The following MGRN1 variants were observed in gnomAD, a reference collection of about 807,000 sequenced individuals.
MGRN1 encodes the protein E3 ubiquitin-protein ligase MGRN1.
Under a neutral mutation model 69.2 loss-of-function variants are expected in MGRN1, and 29 were observed. The observed-to-expected ratio is 0.42, with a 90% CI of 0.31 to 0.57. The LOEUF (loss-of-function observed/expected upper bound fraction) is 0.57. MGRN1 is among the 20% of genes least tolerant of loss of function. MGRN1 has a pLI of 0.15. For missense variants in MGRN1, 998 were observed against 796.2 expected, an observed-to-expected ratio of 1.25 and a Z score of -3.05; for synonymous variants, 470 against 344.2, an observed-to-expected ratio of 1.37 and a Z score of -4.04.
chr16:4,688,927 A>C lies in MGRN1; in HGVS notation c.*19A>C. On this transcript the variant is annotated 3_prime_UTR_variant, in exon 17 of 17. Coordinates refer to ENST00000262370, the MANE Select transcript of MGRN1 (RefSeq NM_015246.4). ...ACTCTGAGAGCCTGGCCGAGCTGGC[A>C]GCATGGAGCCCTCGGCTCCCCAGAC... 6.5e-7 allele frequency: 1 copy of C among 1,530,868 alleles called. No individual in the cohort carries two copies. Among genetic ancestry groups the C allele is most frequent in the African/African-American group, 1.4e-5 (1 of 72,774 alleles). The allele number at this position is 1,530,868 out of a possible 1,614,324, so 94.8% of individuals were successfully genotyped here.
At chr16:4,647,900 T>G (rs2078307703) in intron 1 of MGRN1, among the ~76,000 whole-genome samples, 2 of 152,104 alleles carry the variant, frequency 1.3e-5, no homozygotes, top group Admixed American at 6.5e-5. Flanking sequence ...CACCTGGCTC[T>G]GGGCCACCTC....
chr16:4,625,135 C>A (rs1658558751), intron 1 of MGRN1, 87 bp downstream of exon 1: 1 of 1,250,766 alleles, frequency 8.0e-7, no homozygotes, highest in Non-Finnish European at 1.1e-6. Context: ...CGGGGCGGGG[C>A]GCCCTGCTCG....
chr16:4,688,250 T>TG (rs1567249007), intron 16 of MGRN1: 1 of 985,652 alleles, frequency 1.0e-6, no homozygotes, highest in Non-Finnish European at 1.2e-6. Flanking sequence ...CAGACCCATC[T>TG]GGGGACAGCG....
At chr16:4,673,291 C>G (rs1328675291) in intron 9 of MGRN1, among the ~76,000 whole-genome samples, 1 of 152,060 alleles carries the variant, frequency 6.6e-6, no homozygotes, top group African/African-American at 2.4e-5. Flanking sequence ...GGGCACAGAC[C>G]CTCCCCCTCT....
rs769800386 is a variant in MGRN1, at chr16:4,675,203, C to T, written c.955+1546C>T. Among the ~76,000 whole-genome samples, 49 of 151,492 alleles carry T rather than the reference C, an allele frequency of 3.2e-4. No individual in the cohort carries two copies. The Middle Eastern group carries it at 0.024, about 75-fold the overall frequency. Reference sequence around the variant, plus strand: ...GCCCAGTCTGGTCTGAAGCTCCTGACCTCAAGTGATCTGCCTGCCTTGGCC... The same window carrying T: ...GCCCAGTCTGGTCTGAAGCTCCTGATCTCAAGTGATCTGCCTGCCTTGGCC... On this transcript the variant is annotated intron_variant, in intron 10 of 16. Coordinates refer to ENST00000262370, the MANE Select transcript of MGRN1 (RefSeq NM_015246.4).
chr16:4,655,032 C>T (rs1008137182), intron 4 of MGRN1, among the ~76,000 whole-genome samples: 2 of 152,210 alleles, frequency 1.3e-5, no homozygotes, highest in African/African-American at 4.8e-5. Context: ...GGCGTAGGAG[C>T]ATTTGGAGTG....
intron 7 of MGRN1, among the ~76,000 whole-genome samples, chr16:4,666,365 C>G (rs1376252876): frequency 1.3e-5 from 2 of 152,172 alleles, no homozygotes; most frequent in African/African-American, 2.4e-5. Flanking sequence ...CTCCTGGCCT[C>G]AAGTGATCCT....
chr16:4,683,967 G>A, intron 16 of MGRN1, 35 bp downstream of exon 16: 1 of 1,518,266 alleles, frequency 6.6e-7, no homozygotes, highest in Non-Finnish European at 8.9e-7. Flanking sequence ...GAGGGGCTGG[G>A]TGCCTGTCTT....
chr16:4,675,606 C>T (rs562748312), intron 10 of MGRN1, among the ~76,000 whole-genome samples: 22 of 151,996 alleles, frequency 1.4e-4, no homozygotes, highest in African/African-American at 5.3e-4. Context: ...GATGTGTTGG[C>T]TATAGTACCA....
In MGRN1 at chr16:4,689,118, C is replaced by G; in HGVS notation, c.*210C>G. 1.6e-6 allele frequency: 1 copy of G among 630,328 alleles called. No individual in the cohort carries two copies. Among genetic ancestry groups the G allele is most frequent in the South Asian group, 3.2e-5 (1 of 31,254 alleles). The allele number at this position is 630,328 out of a possible 1,614,324, so 39.0% of individuals were successfully genotyped here. On this transcript the variant is annotated 3_prime_UTR_variant, in exon 17 of 17. Transcript: ENST00000262370. ...ACAGTTGATATATTTGTAACTGGTA[C>G]AAGATGAAGGACAGCAGCTTTCCAT...
At chr16:4,654,148 C>A (rs576564773) in intron 4 of MGRN1, among the ~76,000 whole-genome samples, 3 of 152,276 alleles carry the variant, frequency 2.0e-5, no homozygotes, top group African/African-American at 7.2e-5. Context: ...AGCCAGCCAC[C>A]TCCAGGAGCC....
intron 1 of MGRN1, among the ~76,000 whole-genome samples, chr16:4,642,755 C>T (rs764364568): frequency 4.0e-5 from 6 of 151,652 alleles, no homozygotes; most frequent in Non-Finnish European, 7.4e-5. Flanking sequence ...GGGTGAGCAC[C>T]GTGCCTGGTG....
intron 10 of MGRN1, among the ~76,000 whole-genome samples, chr16:4,675,652 G>A (rs1191076955): frequency 1.3e-5 from 2 of 151,794 alleles, no homozygotes; most frequent in Non-Finnish European, 1.5e-5. Flanking sequence ...GATCGGCTGA[G>A]CCTGGGAGGT....
intron 12 of MGRN1, chr16:4,681,272 G>C (rs1003258162): frequency 2.8e-5 from 13 of 467,146 alleles, no homozygotes; most frequent in Admixed American, 4.1e-5. Context: ...AGCCAGGGAG[G>C]GGCTGGTTGA....
At chr16:4,686,134 C>A (rs565165811) in intron 16 of MGRN1, 633 of 1,137,604 alleles carry the variant, frequency 5.6e-4, no homozygotes, top group Non-Finnish European at 7.3e-4. Flanking sequence ...TCTGTGGTTG[C>A]AGCAGAGTGT....
At chr16:4,683,347 G>A (rs2079232570) in intron 15 of MGRN1, 78 bp downstream of exon 15, 1 of 1,532,348 alleles carries the variant, frequency 6.5e-7, no homozygotes, top group African/African-American at 1.4e-5. Context: ...TAGGGCTCCA[G>A]GTGGTGTTGG....
At chr16:4,628,460 A>G (rs1897814568) in intron 1 of MGRN1, among the ~76,000 whole-genome samples, 1 of 151,764 alleles carries the variant, frequency 6.6e-6, no homozygotes, top group Non-Finnish European at 1.5e-5. Flanking sequence ...CATCACCACA[A>G]TTGCAGACAT....
chr16:4,688,171 C>T (rs2079376537), intron 16 of MGRN1: 17 of 985,562 alleles, frequency 1.7e-5, no homozygotes, highest in Non-Finnish European at 2.0e-5. Context: ...GGGTGTCAGG[C>T]AGCCCTGAGG....
rs908974840 is a variant in MGRN1, at chr16:4,690,084, T to C, written c.*1176T>C. ...CGGCCCCCTTGCAGTTCTCTCTGATTTGGTTTGTTCTGTCTCAGGCTTCTG... is the reference window on the plus strand; with the variant it reads ...CGGCCCCCTTGCAGTTCTCTCTGATCTGGTTTGTTCTGTCTCAGGCTTCTG... On this transcript the variant is annotated 3_prime_UTR_variant, in exon 17 of 17. Coordinates refer to ENST00000262370, the MANE Select transcript of MGRN1 (RefSeq NM_015246.4). The C allele has an allele frequency of 2.6e-5, 4 of 152,420 alleles. No homozygotes were observed. The highest frequency in any genetic ancestry group is 5.9e-5 in the Non-Finnish European group (4 of 68,168). The allele number at this position is 152,420 out of a possible 1,614,324, so 9.4% of individuals were successfully genotyped here. A position where few individuals can be genotyped will look rare whatever the true frequency, so the allele number is the denominator to read the frequency against.
Sources: gnomAD v4.1 joint callset for allele counts (sites outside exome capture counted in the v4.1 genomes callset) on GRCh38, gnomAD v4.1.1 for gene constraint, MANE v1.5 for transcripts, NCBI Gene and HGNC (gene_info 2026-07-23, HGNC 2026-07-21) for gene names.